The following ENTPD6 variants were observed in gnomAD, a reference collection of about 807,000 sequenced individuals.
ENTPD6 encodes ectonucleoside triphosphate diphosphohydrolase 6, also known as CD39 antigen-like 2.
In ENTPD6, 46 loss-of-function variants were observed where a neutral mutation model predicts 61.5. That is an observed-to-expected ratio of 0.75 (90% CI 0.59 to 0.96). The LOEUF is 0.96. Among genes scored for constraint, ENTPD6 ranks in the 40% least tolerant of loss-of-function variants. ENTPD6 has a pLI of 0.00. For missense variants in ENTPD6, 612 were observed against 629.0 expected (o/e 0.97, Z 0.29); for synonymous variants, 252 against 255.5 (o/e 0.99, Z 0.13).
At position 25,209,385 on chromosome 20, in the gene ENTPD6, C is replaced by T. The variant is rs547689941; in HGVS notation, c.377-464C>T. Among the ~76,000 whole-genome samples, 8 of 151,836 alleles carry T rather than the reference C, an allele frequency of 5.3e-5. 1 individual carries two copies. The highest frequency in any genetic ancestry group is 6.8e-3 in the Middle Eastern group (2 of 294). On this transcript the variant is annotated intron_variant, in intron 3 of 14. Transcript: ENST00000376652. ...TTGGCCTCCCAAAGTGCTGGGATTA[C>T]AGGCGTGAGCCACCGTGCCTGGCCG...
At chr20:25,210,249 T>C (rs2091869291) in intron 4 of ENTPD6, among the ~76,000 whole-genome samples, 1 of 152,254 alleles carries the variant, frequency 6.6e-6, no homozygotes, top group Non-Finnish European at 1.5e-5. Context: ...AGTTTGCTTA[T>C]TCAAATTTTT....
chr20:25,215,319 C>G (rs1014413915), intron 6 of ENTPD6, among the ~76,000 whole-genome samples: 17 of 152,218 alleles, frequency 1.1e-4, no homozygotes, highest in African/African-American at 2.9e-4. Flanking sequence ...TCCTCACTAG[C>G]TCCTGATAGG....
At chr20:25,221,894 G>A (rs879694719) in intron 11 of ENTPD6, 9 of 183,202 alleles carry the variant, frequency 4.9e-5, no homozygotes, top group Non-Finnish European at 6.8e-5. Flanking sequence ...TGCGTGTACC[G>A]GGGGGCCGCA....
In ENTPD6 at chr20:25,207,101, C is replaced by T. The variant is rs1467004242; in HGVS notation, c.80C>T (p.Thr27Ile). ...CAGCCGCAGCACGGTCCTTGGCAAACAAGGATGAGAAAAATATCCAACCAC... is the reference window on the plus strand; with the variant it reads ...CAGCCGCAGCACGGTCCTTGGCAAATAAGGATGAGAAAAATATCCAACCAC... ...FQQPQHGPWQ[T>I]RMRKISNHGS... Residue 27 changes from threonine (T) to isoleucine (I), a missense_variant, in exon 3 of 15, where the codon ACA becomes ATA. Coordinates refer to ENST00000376652, the MANE Select transcript of ENTPD6 (RefSeq NM_001247.5). The T allele has an allele frequency of 6.2e-7, 1 of 1,612,582 alleles. No homozygotes were observed. Among genetic ancestry groups the T allele is most frequent in the Non-Finnish European group, 8.5e-7 (1 of 1,178,992 alleles).
chr20:25,202,397 T>G (rs1464242858), intron 1 of ENTPD6, among the ~76,000 whole-genome samples: 1 of 152,232 alleles, frequency 6.6e-6, no homozygotes, highest in African/African-American at 2.4e-5. Context: ...AAGTAATTAC[T>G]CATAGGGAAG....
chr20:25,207,214 G>A lies in ENTPD6; in HGVS notation c.193G>A (p.Ala65Thr). The change falls in exon 3 of 15, where the codon GCC becomes ACC. Residue 65 changes from alanine (A) to threonine (T), a missense_variant. Ala to Thr is a moderately conservative substitution (Grantham distance 58). Coordinates refer to ENST00000376652, the MANE Select transcript of ENTPD6 (RefSeq NM_001247.5). ...TGTTGCCTACATCAAGTGGCACCGG[G>A]CCACCGCCACCCAGGCCTTCTTCAG... Reference protein sequence around the residue: ...IYVAYIKWHRATATQAFFSIT... With the variant: ...IYVAYIKWHRTTATQAFFSIT... The A allele has an allele frequency of 6.2e-7, 1 of 1,614,104 alleles. No individual in the cohort carries two copies. The highest frequency in any genetic ancestry group is 8.5e-7 in the Non-Finnish European group (1 of 1,180,012).
At chr20:25,211,411 TA>T (rs2091951492) in intron 4 of ENTPD6, among the ~76,000 whole-genome samples, 2 of 152,176 alleles carry the variant, frequency 1.3e-5, no homozygotes, top group South Asian at 4.1e-4. Context: ...CTCCCCAGGG[TA>T]GTAGCACAGA....
Position 25,225,566 on chromosome 20 carries a change from C to G in ENTPD6, c.1424C>G (p.Ser475Cys). ...GGGGCCATTTTTCATTACATCGACTCCCTGAACAGACAGAAGAGTCCAGCC... is the reference window on the plus strand; with the variant it reads ...GGGGCCATTTTTCATTACATCGACTGCCTGAACAGACAGAAGAGTCCAGCC... ...ALGAIFHYID[S>C]LNRQKSPAS is the part of the protein sequence containing the mutation. The change falls in exon 15 of 15, where the codon TCC becomes TGC. Residue 475 changes from serine to cysteine, a missense_variant. Transcript: ENST00000376652. 6.2e-7 allele frequency: 1 copy of G among 1,614,106 alleles called. No homozygotes were observed.
intron 1 of ENTPD6, among the ~76,000 whole-genome samples, chr20:25,204,481 T>C (rs966209122): frequency 7.9e-5 from 12 of 152,048 alleles, no homozygotes; most frequent in African/African-American, 2.9e-4. Flanking sequence ...TATATATATA[T>C]ATATATATCT....
Position 25,216,648 on chromosome 20 carries a change from G to A in ENTPD6, c.710G>A (p.Gly237Asp). 1.2e-6 allele frequency: 2 copies of A among 1,600,400 alleles called. No individual in the cohort carries two copies. The highest frequency in any genetic ancestry group is 1.7e-6 in the Non-Finnish European group (2 of 1,173,842). Reference sequence around the variant, plus strand: ...GCTGTTTTTGCTTGCTGTGCTCCAGGCAGCTTGAAAACTCCAGGAGGGAGC... The same window carrying A: ...GCTGTTTTTGCTTGCTGTGCTCCAGACAGCTTGAAAACTCCAGGAGGGAGC... ...SAWITINFLT[G>D]SLKTPGGSSV... The change falls in exon 8 of 15, where the codon GGC becomes GAC. Residue 237 changes from glycine (G) to aspartate (D), a missense_variant and splice_region_variant. Physicochemically the swap from Gly to Asp is moderately conservative, Grantham distance 94 (BLOSUM62 -1). Coordinates refer to ENST00000376652, the MANE Select transcript of ENTPD6 (RefSeq NM_001247.5).
intron 4 of ENTPD6, among the ~76,000 whole-genome samples, chr20:25,212,025 G>C (rs2092000957): frequency 6.6e-6 from 1 of 152,184 alleles, no homozygotes; most frequent in South Asian, 2.1e-4. Context: ...GCCCAGGGTG[G>C]TCTTGACCTC....
Position 25,207,266 on chromosome 20 carries a change from G to T in ENTPD6, c.245G>T (p.Arg82Leu). The T allele has an allele frequency of 6.2e-7, 1 of 1,613,480 alleles. No homozygotes were observed. The highest frequency in any genetic ancestry group is 8.5e-7 in the Non-Finnish European group (1 of 1,179,682). ...ATCACCAGGGCAGCCCCGGGGGCCC[G>T]GTGGGGTCAGCAGGCCCACAGCCCC... ...FSITRAAPGARWGQQAHSPLG... is the reference protein window; with the variant it reads ...FSITRAAPGALWGQQAHSPLG... Residue 82 changes from arginine to leucine, a missense_variant, in exon 3 of 15, where the codon CGG becomes CTG. Coordinates refer to ENST00000376652, the MANE Select transcript of ENTPD6 (RefSeq NM_001247.5).
At chr20:25,219,581 G>A (rs1448127659) in intron 10 of ENTPD6, among the ~76,000 whole-genome samples, 1 of 152,190 alleles carries the variant, frequency 6.6e-6, no homozygotes, top group African/African-American at 2.4e-5. Context: ...TCTGCTTCAG[G>A]GGCTGGGGCA....
At chr20:25,210,851 A>G (rs1323880644) in intron 4 of ENTPD6, among the ~76,000 whole-genome samples, 1 of 152,198 alleles carries the variant, frequency 6.6e-6, no homozygotes, top group Non-Finnish European at 1.5e-5. Context: ...CTGAGGCAGG[A>G]GAATCACTTG....
intron 12 of ENTPD6, among the ~76,000 whole-genome samples, chr20:25,223,198 T>C (rs894854895): frequency 1.3e-5 from 2 of 152,142 alleles, no homozygotes; most frequent in Admixed American, 1.3e-4. Flanking sequence ...GGTGACTTGC[T>C]GTTGATTCCA....
At chr20:25,207,905 C>G (rs2091649509) in intron 3 of ENTPD6, among the ~76,000 whole-genome samples, 1 of 152,198 alleles carries the variant, frequency 6.6e-6, no homozygotes, top group Non-Finnish European at 1.5e-5. Context: ...GGCTATGCTT[C>G]TAGGGTGGGC....
At chr20:25,200,810 C>G (rs530442727) in intron 1 of ENTPD6, among the ~76,000 whole-genome samples, 88 of 148,610 alleles carry the variant, frequency 5.9e-4, no homozygotes, top group African/African-American at 1.9e-3. Context: ...TTTCCTCCTC[C>G]TTTTTTACTT....
At chr20:25,215,743 G>A (rs143784918) in intron 7 of ENTPD6, 32 bp downstream of exon 7, 67 of 1,612,568 alleles carry the variant, frequency 4.2e-5, no homozygotes, top group East Asian at 1.1e-4. Context: ...GAGGCTAGCC[G>A]ATCACAGACA....
rs1469548155 is a variant in ENTPD6, at chr20:25,217,579, C to T, written c.876C>T (p.Tyr292=). ...MFNRTYKLYS[Y]SYLGLGLMSA... ...ACAGGACCTACAAGCTCTATTCCTA[C>T]AGGTCTGCTTTCGGGAACAGGCGTG... The change falls in exon 9 of 15, where the codon TAC becomes TAT. Residue 292 remains tyrosine (Y), a splice_region_variant and synonymous_variant. Coordinates refer to ENST00000376652, the MANE Select transcript of ENTPD6 (RefSeq NM_001247.5). The T allele has an allele frequency of 1.2e-6, 2 of 1,614,072 alleles. No individual in the cohort carries two copies. Among genetic ancestry groups the T allele is most frequent in the Admixed American group, 1.7e-5 (1 of 60,018 alleles).
Sources: gnomAD v4.1 joint callset for allele counts (sites outside exome capture counted in the v4.1 genomes callset) on GRCh38, gnomAD v4.1.1 for gene constraint, MANE v1.5 for transcripts, NCBI Gene and HGNC (gene_info 2026-07-23, HGNC 2026-07-21) for gene names.